The following FLNB variants were observed in gnomAD, a reference collection of about 807,000 sequenced individuals.
FLNB encodes filamin B.
FLNB carries 111 observed loss-of-function variants against 250.6 expected under a neutral mutation model. The observed-to-expected ratio is 0.44, with a 90% CI of 0.38 to 0.52. The LOEUF (loss-of-function observed/expected upper bound fraction) is 0.52, where lower values mean the gene tolerates loss of function less well. Among genes scored for constraint, FLNB ranks in the 20% least tolerant of loss-of-function variants. The pLI, the probability that FLNB is intolerant of heterozygous loss-of-function variation, is 0.00. For missense variants in FLNB, 2,869 were observed against 3,447.8 expected, an observed-to-expected ratio of 0.83 and a Z score of 4.20; for synonymous variants, 1,302 against 1,372.1, an observed-to-expected ratio of 0.95 and a Z score of 1.13.
intron 1 of FLNB, among the ~76,000 whole-genome samples, chr3:58,025,911 G>A (rs1329008129): frequency 6.6e-6 from 1 of 152,222 alleles, no homozygotes; most frequent in Middle Eastern, 3.2e-3. Context: ...GATCAACAGA[G>A]CGAGATTGTC....
intron 1 of FLNB, among the ~76,000 whole-genome samples, chr3:58,067,593 G>GTTTTTTTT (rs375448903): frequency 7.1e-6 from 1 of 140,850 alleles, no homozygotes; most frequent in Non-Finnish European, 1.5e-5. Flanking sequence ...TTGTTTTTTT[G>GTTTTTTTT]TTTTTTTTTT....
chr3:58,094,720 C>A, intron 4 of FLNB, 116 bp from the exon 5 acceptor site: 1 of 874,124 alleles, frequency 1.1e-6, no homozygotes, highest in South Asian at 1.3e-5. Flanking sequence ...CCATTTCCCA[C>A]ATGGGATCTG....
At chr3:58,076,903 A>T in intron 1 of FLNB, 143 bp from the exon 2 acceptor site, 1 of 1,021,658 alleles carries the variant, frequency 9.8e-7, no homozygotes, top group South Asian at 1.4e-5. Context: ...TTTTGAAGCA[A>T]ATTTCAGCAT....
intron 4 of FLNB, among the ~76,000 whole-genome samples, chr3:58,089,487 A>G (rs2097222671): frequency 6.7e-6 from 1 of 150,262 alleles, no homozygotes; most frequent in Non-Finnish European, 1.5e-5. Context: ...TGGAGGTTGC[A>G]GTGAGCTGAG....
intron 1 of FLNB, among the ~76,000 whole-genome samples, chr3:58,040,177 G>A (rs958244513): frequency 6.6e-6 from 1 of 152,126 alleles, no homozygotes; most frequent in Non-Finnish European, 1.5e-5. Flanking sequence ...GTGCTGTGAC[G>A]GCAAATCCCC....
At chr3:58,119,103 C>T (rs2097283877) in intron 19 of FLNB, 114 bp downstream of exon 19, 1 of 832,818 alleles carries the variant, frequency 1.2e-6, no homozygotes, top group South Asian at 1.4e-5. Context: ...TGTTAAGAGA[C>T]TTTGCAGTTG....
intron 1 of FLNB, among the ~76,000 whole-genome samples, chr3:58,061,191 G>GT (rs1359846225): frequency 6.6e-6 from 1 of 152,140 alleles, no homozygotes; most frequent in Admixed American, 6.5e-5. Flanking sequence ...TCTGGGAACA[G>GT]TTTTTTGTCT....
rs560949784 is a variant in FLNB, at chr3:58,083,732, T to G, written c.787+1956T>G. 2.0e-5 allele frequency among the ~76,000 whole-genome samples: 3 copies of G among 152,274 alleles called. No individual in the cohort carries two copies. The South Asian group carries it at 6.2e-4, about 32-fold the overall frequency. ...TCTCATCTGACTTTTTGGGCATGAT[T>G]TAGACCGGCAGATAGTTCTGGAACA... On this transcript the variant is annotated intron_variant, in intron 4 of 45. Coordinates refer to ENST00000295956, the MANE Select transcript of FLNB (RefSeq NM_001457.4).
intron 1 of FLNB, among the ~76,000 whole-genome samples, chr3:58,075,328 G>A (rs2106939958): frequency 6.6e-6 from 1 of 152,268 alleles, no homozygotes; most frequent in South Asian, 2.1e-4. Flanking sequence ...TGGGAGTGAA[G>A]TGCCACCAGC....
intron 1 of FLNB, among the ~76,000 whole-genome samples, chr3:58,072,511 G>A (rs982770190): frequency 1.1e-4 from 16 of 152,308 alleles, no homozygotes; most frequent in African/African-American, 2.6e-4. Flanking sequence ...ATGGTCAGAC[G>A]TTGTTGACCC....
chr3:58,078,887 T>C, intron 3 of FLNB, 73 bp downstream of exon 3: 1 of 1,125,992 alleles, frequency 8.9e-7, no homozygotes, highest in Non-Finnish European at 1.3e-6. Context: ...CCTTCCCGGG[T>C]CAGGCAGCCC....
chr3:58,132,650 T>G, intron 25 of FLNB, 158 bp from the exon 26 acceptor site: 1 of 889,254 alleles, frequency 1.1e-6, no homozygotes, highest in African/African-American at 1.6e-5. Flanking sequence ...ATCCTGTGAT[T>G]TTTTTCAGGC....
At chr3:58,132,318 C>T (rs2107210126) in intron 25 of FLNB, 1 of 442,804 alleles carries the variant, frequency 2.3e-6, no homozygotes, top group South Asian at 2.3e-5. Flanking sequence ...GCACCTATGC[C>T]CCAGCATGCT....
chr3:58,154,578 A>G, intron 39 of FLNB: 1 of 542,368 alleles, frequency 1.8e-6, no homozygotes, highest in East Asian at 3.3e-5. Flanking sequence ...TCTTCAGAGG[A>G]CTCCAGATGT....
chr3:58,059,335 A>G (rs775029207), intron 1 of FLNB, among the ~76,000 whole-genome samples: 1 of 152,234 alleles, frequency 6.6e-6, no homozygotes, highest in African/African-American at 2.4e-5. Flanking sequence ...AACATGAGTG[A>G]AGGAAAAACT....
rs769602468 is a variant in FLNB at position 58,149,835 on chromosome 3, G to A, written c.6092-15G>A. 1.2e-6 allele frequency: 2 copies of A among 1,614,242 alleles called. No homozygotes were observed. Among genetic ancestry groups the A allele is most frequent in the Admixed American group, 3.3e-5 (2 of 60,032 alleles). On this transcript the variant is annotated splice_polypyrimidine_tract_variant and intron_variant, in intron 36 of 45. Coordinates refer to ENST00000295956, the MANE Select transcript of FLNB (RefSeq NM_001457.4). ...GGAGCTGCTGTCAGAACAGCCTGGG[G>A]CTGCTGTGTTGCAGGTTATGGTGGC...
intron 25 of FLNB, chr3:58,131,975 C>T (rs2097308230): frequency 1.3e-6 from 2 of 1,537,098 alleles, no homozygotes; most frequent in Non-Finnish European, 1.7e-6. Flanking sequence ...AAAGCCCTTT[C>T]AGAGTTCTTT....
chr3:58,148,582 G>A, intron 35 of FLNB, 67 bp from the exon 36 acceptor site: 1 of 1,397,110 alleles, frequency 7.2e-7, no homozygotes, highest in Non-Finnish European at 1.0e-6. Flanking sequence ...CTATTTCTGA[G>A]AGTGTGTCTC....
rs775580570 is a variant in FLNB, at chr3:58,112,359, G to C, written c.2745+41G>C. On this transcript the variant is annotated intron_variant, in intron 18 of 45. Transcript: ENST00000295956. ...CCTCTGCTCCCCTGGCCCCCAGCCA[G>C]GCCCCTTTCTATGCAGTCGGTGCTG... The C allele has an allele frequency of 5.6e-6, 9 of 1,599,636 alleles. No individual in the cohort carries two copies. The East Asian group carries it at 2.0e-4, about 36-fold the overall frequency.
Sources: gnomAD v4.1 joint callset for allele counts (sites outside exome capture counted in the v4.1 genomes callset) on GRCh38, gnomAD v4.1.1 for gene constraint, MANE v1.5 for transcripts, NCBI Gene and HGNC (gene_info 2026-07-23, HGNC 2026-07-21) for gene names.